GPHN: variants seen among roughly 807,000 people sequenced by gnomAD.
GPHN encodes the protein gephyrin.
Under a neutral mutation model 95.5 loss-of-function variants are expected in GPHN, and 17 were observed. The observed-to-expected ratio is 0.18, with a 90% CI of 0.12 to 0.27. The LOEUF is 0.27. GPHN is among the 10% of genes least tolerant of loss of function. GPHN has a pLI of 1.00. For missense variants in GPHN, 660 were observed against 978.1 expected (o/e 0.67, Z 4.34); for synonymous variants, 320 against 322.5 (o/e 0.99, Z 0.08).
At chr14:66,558,641 A>C (rs555707783) in intron 1 of GPHN, among the ~76,000 whole-genome samples, 1 of 152,092 alleles carries the variant, frequency 6.6e-6, no homozygotes, top group Non-Finnish European at 1.5e-5. Context: ...TTAATTGCTT[A>C]TGTCATTTAA....
the GPHN span, among the ~76,000 whole-genome samples, chr14:67,694,284 T>A: frequency 6.6e-6 from 1 of 152,108 alleles, no homozygotes; most frequent in African/African-American, 2.4e-5. Context: ...ATCCCCTTAC[T>A]GTATGTAGCT....
rs1236241867 is a variant in GPHN at position 66,739,495 on chromosome 14, C to A, written c.144-36969C>A. On this transcript the variant is annotated intron_variant, in intron 2 of 22. Transcript: ENST00000478722. The stretch of plus-strand genomic sequence containing the variant: ...CCTCCCAAAGTGCTGGGATTACAGG[C>A]GTGAGCCACCACCCCCGGCCCCTGC... Among the ~76,000 whole-genome samples the A allele has an allele frequency of 4.0e-5, 6 of 149,190 alleles. No individual in the cohort carries two copies. The South Asian group carries it at 1.1e-3, about 26-fold the overall frequency.
the GPHN span, chr14:67,555,934 C>T: frequency 3.7e-6 from 6 of 1,600,206 alleles, no homozygotes; most frequent in East Asian, 4.5e-5. Flanking sequence ...GAATGACCGT[C>T]GGCCCTTCCA....
At chr14:67,637,772 T>G in the GPHN span, among the ~76,000 whole-genome samples, 4 of 152,224 alleles carry the variant, frequency 2.6e-5, no homozygotes, top group Admixed American at 6.5e-5. Context: ...CTTTCATATT[T>G]TGTTCTTAAA....
chr14:67,334,738 CCA>C, the GPHN span: 1 of 152,158 alleles, frequency 6.6e-6, no homozygotes, highest in African/African-American at 2.4e-5. Context: ...CTGAAATACT[CCA>C]GTTTAGAGCC....
intron 12 of GPHN, among the ~76,000 whole-genome samples, chr14:67,095,965 GC>G (rs2077362556): frequency 2.0e-5 from 1 of 50,560 alleles, no homozygotes; most frequent in African/African-American, 1.2e-4. Context: ...AAAGAAAAAG[GC>G]AAAAAAAAAA....
At chr14:66,573,070 C>A (rs562310994) in intron 1 of GPHN, among the ~76,000 whole-genome samples, 1 of 152,080 alleles carries the variant, frequency 6.6e-6, no homozygotes, top group Non-Finnish European at 1.5e-5. Flanking sequence ...TAAATGATAC[C>A]ATTTGGATCT....
chr14:67,457,813 T>C, the GPHN span, among the ~76,000 whole-genome samples: 3 of 152,210 alleles, frequency 2.0e-5, no homozygotes, highest in African/African-American at 4.8e-5. Context: ...CTCTAGCCAC[T>C]GTGAAATGAC....
the GPHN span, among the ~76,000 whole-genome samples, chr14:67,708,334 T>G: frequency 2.6e-5 from 4 of 152,202 alleles, no homozygotes; most frequent in Non-Finnish European, 5.9e-5. Flanking sequence ...TCGTGAACAC[T>G]TCAGCTCTCC....
chr14:66,945,915 G>A (rs1304234060), intron 8 of GPHN, among the ~76,000 whole-genome samples: 1 of 152,064 alleles, frequency 6.6e-6, no homozygotes, highest in African/African-American at 2.4e-5. Context: ...ACAAACTTTT[G>A]TGATTTCTAT....
At chr14:66,854,354 A>G (rs891284784) in intron 4 of GPHN, among the ~76,000 whole-genome samples, 1 of 152,130 alleles carries the variant, frequency 6.6e-6, no homozygotes, top group Non-Finnish European at 1.5e-5. Flanking sequence ...TTTTTTGTCT[A>G]AGCTATTAAC....
At chr14:66,728,726 A>G (rs2071484789) in intron 2 of GPHN, among the ~76,000 whole-genome samples, 1 of 152,198 alleles carries the variant, frequency 6.6e-6, no homozygotes, top group African/African-American at 2.4e-5. Context: ...TTTTGATTTT[A>G]CTGGCTCATA....
the GPHN span, among the ~76,000 whole-genome samples, chr14:67,290,394 G>A: frequency 2.0e-5 from 3 of 152,138 alleles, no homozygotes; most frequent in African/African-American, 7.2e-5. Flanking sequence ...TGGTGGCATT[G>A]TAAATCAGTG....
chr14:67,338,277 CA>C, the GPHN span: 1 of 170,010 alleles, frequency 5.9e-6, no homozygotes, highest in Non-Finnish European at 1.3e-5. Context: ...AAAGCTGCTC[CA>C]CAGTAATTGG....
At chr14:67,581,274 GCACA>G in the GPHN span, among the ~76,000 whole-genome samples, 4,335 of 148,058 alleles carry the variant, frequency 0.029, 152 homozygotes, top group East Asian at 0.12. Flanking sequence ...GTGTGTATAT[GCACA>G]CACACACACA....
chr14:67,615,591 C>T, the GPHN span: 8 of 543,046 alleles, frequency 1.5e-5, 1 homozygote, highest in South Asian at 1.3e-4. Flanking sequence ...ATGCTTCAGT[C>T]AACTTCTCAG....
the GPHN span, chr14:67,573,507 T>TG: frequency 1.4e-6 from 1 of 708,230 alleles, no homozygotes; most frequent in South Asian, 1.8e-5. The surrounding 1 kb of genome is among the most constrained non-coding windows in gnomAD (Gnocchi z 4.8). Context: ...GTCTGGCAGG[T>TG]GGGGAGAGGC....
At chr14:67,416,393 G>A in the GPHN span, among the ~76,000 whole-genome samples, 1 of 152,292 alleles carries the variant, frequency 6.6e-6, no homozygotes, top group East Asian at 1.9e-4. Flanking sequence ...GGGCGGTGAA[G>A]TCCCAGAGTA....
chr14:67,562,841 G>C, the GPHN span: 2 of 1,613,696 alleles, frequency 1.2e-6, no homozygotes, highest in Non-Finnish European at 1.7e-6. Flanking sequence ...GCTGGAGGAA[G>C]TGGAGCTGGG....
Sources: gnomAD v4.1 joint callset for allele counts (sites outside exome capture counted in the v4.1 genomes callset) on GRCh38, gnomAD v4.1.1 for gene constraint, Gnocchi (gnomAD v3.1) non-coding constraint, MANE v1.5 for transcripts, NCBI Gene and HGNC (gene_info 2026-07-23, HGNC 2026-07-21) for gene names.